NMT2: variants seen among roughly 807,000 people sequenced by gnomAD.
NMT2 encodes the protein N-myristoyltransferase 2.
Under a neutral mutation model 65.4 loss-of-function variants are expected in NMT2, and 35 were observed. The ratio of observed to expected loss-of-function variants is 0.54; its 90% CI spans 0.41 to 0.71. NMT2 has a LOEUF of 0.71. Ranked by LOEUF, NMT2 falls within the 30% of genes least tolerant of loss-of-function variation. NMT2 has a pLI of 0.00. For synonymous variants in NMT2, 226 were observed against 231.8 expected (o/e 0.98, Z 0.23); for missense variants, 489 against 611.3 (o/e 0.80, Z 2.11).
intron 1 of NMT2, among the ~76,000 whole-genome samples, chr10:15,143,470 G>C (rs1406578537): frequency 6.6e-6 from 1 of 152,204 alleles, no homozygotes; most frequent in Non-Finnish European, 1.5e-5. Context: ...TGGTTACAGA[G>C]AGATACAGAA....
chr10:15,123,525 C>A (rs1845987644), intron 8 of NMT2, among the ~76,000 whole-genome samples: 1 of 114,930 alleles, frequency 8.7e-6, no homozygotes, highest in Non-Finnish European at 1.7e-5. Context: ...GAGACTTCGT[C>A]TCACAGAAAA....
intron 1 of NMT2, among the ~76,000 whole-genome samples, chr10:15,163,248 C>T (rs866409184): frequency 6.6e-6 from 1 of 152,166 alleles, no homozygotes; most frequent in Non-Finnish European, 1.5e-5. Context: ...ATTTTTAAAA[C>T]GTCATTAACA....
intron 10 of NMT2, among the ~76,000 whole-genome samples, chr10:15,111,284 G>A (rs1589286910): frequency 6.6e-6 from 1 of 151,872 alleles, no homozygotes; most frequent in East Asian, 2.0e-4. Context: ...GCCGCAGCAG[G>A]TGGATCACCT....
chr10:15,119,576 GC>G, intron 8 of NMT2, 63 bp from the exon 9 acceptor site: 1 of 1,454,134 alleles, frequency 6.9e-7, no homozygotes, highest in Non-Finnish European at 9.6e-7. Flanking sequence ...AAACGACTTT[GC>G]ACTCAAAGTG....
chr10:15,130,703 CAAAAAAAA>C (rs974360507), intron 6 of NMT2, among the ~76,000 whole-genome samples: 5 of 28,634 alleles, frequency 1.7e-4, no homozygotes, highest in African/African-American at 5.0e-4. Flanking sequence ...GGCCCTGTCT[CAAAAAAAA>C]AAAAAAAAAA....
At chr10:15,112,500 A>C (rs757303491) in intron 10 of NMT2, among the ~76,000 whole-genome samples, 14 of 151,646 alleles carry the variant, frequency 9.2e-5, no homozygotes, top group Non-Finnish European at 1.5e-4. Flanking sequence ...AAGTGTTGGG[A>C]TTACAAGCCT....
rs1845385289 is a variant in NMT2, at chr10:15,108,385, C to G, written c.*810G>C. ...TATTTTTAGTAGAGATGGGGTTTCA[C>G]TATGTTGGCCAGAATGGTCTCGATC... On this transcript the variant is annotated 3_prime_UTR_variant, in exon 12 of 12. Transcript: ENST00000378165. 1 of 540,294 alleles carries G rather than the reference C, an allele frequency of 1.9e-6. No individual in the cohort carries two copies. Among genetic ancestry groups the G allele is most frequent in the Admixed American group, 6.4e-5 (1 of 15,688 alleles). The allele number at this position is 540,294 out of a possible 1,614,324, so 33.5% of individuals were successfully genotyped here.
chr10:15,154,882 T>C, intron 1 of NMT2: 1 of 834,230 alleles, frequency 1.2e-6, no homozygotes, highest in Non-Finnish European at 2.1e-6. Context: ...GCCTCCACAA[T>C]CTTGATGCCT....
At position 15,119,354 on chromosome 10, in the gene NMT2, A is replaced by G. The variant is rs754938627; in HGVS notation, c.1159T>C (p.Phe387Leu). The change falls in exon 9 of 12, where the codon TTT (phenylalanine) becomes CTT (leucine). Residue 387 changes from phenylalanine (F) to leucine (L), a missense_variant. Coordinates refer to ENST00000378165, the MANE Select transcript of NMT2 (RefSeq NM_004808.3). ...CACCTTGTCTTTACCTCCACTACAA[A>G]CGTGTCAATAATGTGCTCCCGGGGG... is the stretch of plus-strand genomic sequence containing the variant. The part of the protein sequence containing the change: ...FLPREHIIDT[F>L]VVESPNGKLT... 1 of 1,614,030 alleles carries G rather than the reference A, an allele frequency of 6.2e-7. No homozygotes were observed. Among genetic ancestry groups the G allele is most frequent in the East Asian group, 2.2e-5 (1 of 44,878 alleles).
In NMT2 at chr10:15,130,179, C is replaced by T. The variant is rs774225470; in HGVS notation, c.853G>A (p.Ala285Thr). ...LEGIFQAVYTAGVVLPKPIAT... is the reference protein window; with the variant it reads ...LEGIFQAVYTTGVVLPKPIAT... ...ATGGGCTTAGGAAGAACCACTCCCG[C>T]GGTGTACACAGCCTGGAAGATCCCT... Residue 285 changes from alanine (A) to threonine (T), a missense_variant, in exon 7 of 12, where the codon GCG becomes ACG. Coordinates refer to ENST00000378165, the MANE Select transcript of NMT2 (RefSeq NM_004808.3). 2.1e-5 allele frequency: 34 copies of T among 1,591,660 alleles called. No individual in the cohort carries two copies. Among genetic ancestry groups the T allele is most frequent in the East Asian group, 4.5e-5 (2 of 43,984 alleles).
intron 10 of NMT2, among the ~76,000 whole-genome samples, chr10:15,110,069 C>T (rs911323532): frequency 2.0e-5 from 3 of 151,198 alleles, no homozygotes; most frequent in African/African-American, 7.3e-5. Context: ...GTCAGGAGTT[C>T]GAGACCAGCC....
intron 8 of NMT2, among the ~76,000 whole-genome samples, chr10:15,124,866 A>G (rs916256374): frequency 6.6e-6 from 1 of 152,070 alleles, no homozygotes; most frequent in Non-Finnish European, 1.5e-5. Flanking sequence ...CTTTCCTATG[A>G]CTTAAAAGGG....
chr10:15,129,437 G>A (rs930019835), intron 7 of NMT2, among the ~76,000 whole-genome samples: 3 of 152,194 alleles, frequency 2.0e-5, no homozygotes, highest in Non-Finnish European at 4.4e-5. Flanking sequence ...CTTGACTAGT[G>A]CAGACGAAGT....
chr10:15,164,727 G>A (rs967927773), intron 1 of NMT2, among the ~76,000 whole-genome samples: 2 of 152,172 alleles, frequency 1.3e-5, no homozygotes, highest in Non-Finnish European at 2.9e-5. Flanking sequence ...AGATCCAACG[G>A]TGAAAGCTCC....
At chr10:15,117,299 A>G (rs545768370) in intron 9 of NMT2, among the ~76,000 whole-genome samples, 16 of 152,374 alleles carry the variant, frequency 1.1e-4, no homozygotes, top group African/African-American at 3.4e-4. Flanking sequence ...GAAAAATCAT[A>G]TGATTACATC....
intron 1 of NMT2, among the ~76,000 whole-genome samples, chr10:15,156,287 G>T (rs1200536002): frequency 6.6e-6 from 1 of 152,024 alleles, no homozygotes; most frequent in Non-Finnish European, 1.5e-5. Context: ...TTTATAAAGG[G>T]CTTTCACCCC....
chr10:15,126,244 T>C (rs144123652), intron 8 of NMT2, among the ~76,000 whole-genome samples: 18,863 of 150,758 alleles, frequency 0.13, 1,302 homozygotes, highest in Middle Eastern at 0.26. Flanking sequence ...GCCTGACTAA[T>C]ATGGTGAAAC....
intron 2 of NMT2, 118 bp downstream of exon 2, chr10:15,141,304 A>G: frequency 7.6e-7 from 1 of 1,311,802 alleles, no homozygotes; most frequent in Admixed American, 2.1e-5. Flanking sequence ...TACTAGTGGC[A>G]TTCAACACAC....
chr10:15,122,126 C>G (rs1845947924), intron 8 of NMT2, among the ~76,000 whole-genome samples: 1 of 152,162 alleles, frequency 6.6e-6, no homozygotes, highest in South Asian at 2.1e-4. Flanking sequence ...TGATAAATTT[C>G]AAATAGCCTT....
Sources: gnomAD v4.1 joint callset for allele counts (sites outside exome capture counted in the v4.1 genomes callset) on GRCh38, gnomAD v4.1.1 for gene constraint, MANE v1.5 for transcripts, NCBI Gene and HGNC (gene_info 2026-07-23, HGNC 2026-07-21) for gene names.